FAT1: variants seen among roughly 807,000 people sequenced by gnomAD.
FAT1 encodes the protein FAT atypical cadherin 1, also known as protocadherin Fat 1.
A neutral mutation model predicts 329.8 loss-of-function variants in FAT1; 171 were observed. The ratio of observed to expected loss-of-function variants is 0.52; its 90% confidence interval spans 0.46 to 0.59. The LOEUF is 0.59. FAT1 is among the 20% of genes least tolerant of loss of function. The pLI, the probability that FAT1 is intolerant of heterozygous loss-of-function variation, is 0.00. For synonymous variants in FAT1, 2,233 were observed against 2,228.6 expected (o/e 1.00, Z -0.06); for missense variants, 5,672 against 5,774.4 (o/e 0.98, Z 0.57).
chr4:186,616,005 G>A (rs978866962), intron 11 of FAT1, among the ~76,000 whole-genome samples: 14 of 151,886 alleles, frequency 9.2e-5, no homozygotes, highest in South Asian at 2.1e-4. Context: ...GGCCTTGGTC[G>A]CTCCCCCTAC....
At chr4:186,631,012 G>A (rs1052059057) in intron 7 of FAT1, among the ~76,000 whole-genome samples, 4 of 152,194 alleles carry the variant, frequency 2.6e-5, no homozygotes, top group Admixed American at 6.5e-5. Flanking sequence ...CCAGAGAAGA[G>A]CTGTTTCCGC....
chr4:186,605,474 AGAG>A (rs1172779489), intron 17 of FAT1, among the ~76,000 whole-genome samples: 3 of 120,384 alleles, frequency 2.5e-5, no homozygotes, highest in Admixed American at 8.4e-5. Flanking sequence ...GGGAGGAGGA[AGAG>A]GAGGAGTGGA....
intron 22 of FAT1, chr4:186,598,838 G>T (rs898245774): frequency 6.6e-5 from 10 of 152,350 alleles, no homozygotes; most frequent in African/African-American, 2.4e-4. Flanking sequence ...GCAGTACGAA[G>T]AATGTCGACT....
rs1738613448 is a variant in FAT1, at chr4:186,597,974, C to T, written c.12255G>A (p.Gln4085=). 1.2e-6 allele frequency: 2 copies of T among 1,606,062 alleles called. No individual in the cohort carries two copies. Among genetic ancestry groups the T allele is most frequent in the African/African-American group, 1.3e-5 (1 of 74,410 alleles). The change falls in exon 23 of 27, where the codon CAG becomes CAA. Residue 4085 remains glutamine (Q), a splice_region_variant and synonymous_variant. Transcript: ENST00000441802. ...AAAGTTAAGAAAAATACACATACCT[C>T]TGACCAGTATATAATCCTCTACACT... The part of the protein sequence containing the change: ...VCQCRGLYTG[Q]RCQLSPYCKD...
In FAT1 at chr4:186,587,837, G is replaced by A. The variant is rs1417665231; in HGVS notation, c.*755C>T. Reference sequence around the variant, plus strand: ...TTGTCAGTAAGAAAGACTGGCTAATGGTAGTTTTCATTAAAAACCTTTACA... The same window carrying A: ...TTGTCAGTAAGAAAGACTGGCTAATAGTAGTTTTCATTAAAAACCTTTACA... On this transcript the variant is annotated 3_prime_UTR_variant, in exon 27 of 27. Transcript: ENST00000441802. 1.9e-5 allele frequency: 4 copies of A among 206,500 alleles called. No individual in the cohort carries two copies. The highest frequency in any genetic ancestry group is 9.1e-5 in the African/African-American group (4 of 43,744). The allele number at this position is 206,500 out of a possible 1,614,324, so 12.8% of individuals were successfully genotyped here. A position where few individuals can be genotyped will look rare whatever the true frequency, so the allele number is the denominator to read the frequency against.
intron 2 of FAT1, among the ~76,000 whole-genome samples, chr4:186,667,411 G>A (rs1032826581): frequency 8.5e-5 from 13 of 152,176 alleles, no homozygotes; most frequent in Non-Finnish European, 1.0e-4. Flanking sequence ...TGTGTAATTC[G>A]CAATTAAAAT....
intron 2 of FAT1, among the ~76,000 whole-genome samples, chr4:186,698,764 G>A (rs1054269582): frequency 3.9e-5 from 6 of 152,190 alleles, no homozygotes; most frequent in Non-Finnish European, 7.3e-5. Context: ...GCTCCGCCAC[G>A]GAGAGACTGG....
chr4:186,709,783 G>C lies in FAT1; in HGVS notation c.45C>G (p.Phe15Leu), dbSNP rs985061273. Reference protein sequence around the residue: ...LALLLLLLLLFQHFGDSDGSQ... With the variant: ...LALLLLLLLLLQHFGDSDGSQ... ...TGCCATCACTGTCTCCAAAATGTTG[G>C]AAGAGAAGGAGCAGAAGCAGGAGCA... The change falls in exon 2 of 27, where the codon TTC (phenylalanine) becomes TTG (leucine). Residue 15 changes from phenylalanine (F) to leucine (L), a missense_variant. By Grantham distance (22) the Phe-to-Leu change is conservative. Coordinates refer to ENST00000441802, the MANE Select transcript of FAT1 (RefSeq NM_005245.4). The C allele has an allele frequency of 6.2e-7, 1 of 1,611,294 alleles. No homozygotes were observed.
Position 186,706,810 on chromosome 4 carries a change from C to G in FAT1, c.3018G>C (p.Lys1006Asn), listed in dbSNP as rs1203711175. ...VYNLTVRAKD[K>N]GKPVSLSSTC... ...TAGAAGACAGAGAAACTGGCTTTCC[C>G]TTGTCTTTGGCCCTCACAGTGAGAT... Residue 1006 changes from lysine to asparagine, a missense_variant, in exon 2 of 27, where the codon AAG becomes AAC. Lys to Asn is a moderately conservative substitution (Grantham distance 94). Around this residue, in one of 2 missense-constraint regions of FAT1, gnomAD observed 3,966 missense variants for 3,915.2 expected, o/e 1.01. Transcript: ENST00000441802. The G allele has an allele frequency of 4.3e-6, 7 of 1,613,898 alleles. No homozygotes were observed. The highest frequency in any genetic ancestry group is 5.9e-6 in the Non-Finnish European group (7 of 1,179,906).
rs1057024581 is a variant in FAT1 at position 186,600,178 on chromosome 4, C to G, written c.11823G>C (p.Leu3941=). The change falls in exon 22 of 27, where the codon CTG becomes CTC. Residue 3941 remains leucine (L), a synonymous_variant. Coordinates refer to ENST00000441802, the MANE Select transcript of FAT1 (RefSeq NM_005245.4). Reference sequence around the variant, plus strand: ...CATAGTTATCCAGGTTCAGGGTTTTCAGAGTCCCTGGGGCTGTGCCCGATG... The same window carrying G: ...CATAGTTATCCAGGTTCAGGGTTTTGAGAGTCCCTGGGGCTGTGCCCGATG... The part of the protein sequence containing the change: ...HTASGTAPGT[L]KTLNLDNYVF... 4 of 1,613,954 alleles carry G rather than the reference C, an allele frequency of 2.5e-6. No individual in the cohort carries two copies. The highest frequency in any genetic ancestry group is 3.3e-5 in the Admixed American group (2 of 60,006).
At chr4:186,724,172 G>T (rs1448045370), upstream of FAT1, among the ~76,000 whole-genome samples, 2 of 109,382 alleles carry the variant, frequency 1.8e-5, no homozygotes, top group African/African-American at 8.5e-5. The surrounding 1 kb of genome is among the most constrained non-coding windows in gnomAD (Gnocchi z 5.3). Context: ...AAAGGGAAAC[G>T]TTAGCTTAGC....
At chr4:186,723,110 C>T (rs1235515470) in intron 1 of FAT1, among the ~76,000 whole-genome samples, 1 of 152,232 alleles carries the variant, frequency 6.6e-6, no homozygotes, top group Admixed American at 6.5e-5. Flanking sequence ...AGAAGTTCCT[C>T]CTCCAGAGAA....
At chr4:186,661,547 C>T (rs1366896758) in intron 3 of FAT1, among the ~76,000 whole-genome samples, 1 of 152,188 alleles carries the variant, frequency 6.6e-6, no homozygotes, top group East Asian at 1.9e-4. Flanking sequence ...CATCCAGGTG[C>T]CGGGAGGGTG....
chr4:186,683,450 C>T (rs991685001), intron 2 of FAT1, among the ~76,000 whole-genome samples: 2 of 152,212 alleles, frequency 1.3e-5, no homozygotes, highest in African/African-American at 2.4e-5. Context: ...ATTCTAGAGG[C>T]GGTCAATAAA....
At chr4:186,672,221 T>G (rs1430191132) in intron 2 of FAT1, among the ~76,000 whole-genome samples, 1 of 152,166 alleles carries the variant, frequency 6.6e-6, no homozygotes, top group Non-Finnish European at 1.5e-5. Flanking sequence ...TAAATAAAAT[T>G]TTAATTGCTA....
chr4:186,602,047 G>A (rs1738838489), intron 20 of FAT1, among the ~76,000 whole-genome samples: 1 of 152,194 alleles, frequency 6.6e-6, no homozygotes, highest in Non-Finnish European at 1.5e-5. Context: ...TGAACAGGTA[G>A]AGGCCACAGC....
intron 17 of FAT1, among the ~76,000 whole-genome samples, chr4:186,605,824 G>A (rs1383462544): frequency 1.3e-5 from 2 of 152,042 alleles, no homozygotes; most frequent in African/African-American, 4.8e-5. Context: ...GTCTGATTAA[G>A]CAATAAGCTC....
chr4:186,613,501 A>G (rs1169835292), intron 12 of FAT1, among the ~76,000 whole-genome samples, 159 bp from the exon 13 acceptor site: 1 of 152,234 alleles, frequency 6.6e-6, no homozygotes, highest in African/African-American at 2.4e-5. Flanking sequence ...CAGCTGCAAG[A>G]GGCAGTGAGC....
chr4:186,601,845 A>T (rs1430790452), intron 20 of FAT1: 1 of 157,002 alleles, frequency 6.4e-6, no homozygotes, highest in African/African-American at 2.4e-5. Context: ...ACATAAAATT[A>T]TGTAGAACTG....
Sources: allele counts gnomAD v4.1 joint callset (sites outside exome capture counted in the v4.1 genomes callset), GRCh38; gene constraint gnomAD v4.1.1; regional missense constraint gnomAD v4.1.1; non-coding constraint Gnocchi (gnomAD v3.1); transcripts MANE v1.5; gene names NCBI Gene and HGNC (gene_info 2026-07-23, HGNC 2026-07-21).